Variants in MEGF10 observed in about 807,000 individuals in gnomAD.
MEGF10 encodes multiple EGF like domains 10.
In MEGF10, 86 loss-of-function variants were observed where a neutral mutation model predicts 147.5. The observed-to-expected ratio is 0.58, with a 90% CI of 0.49 to 0.70. MEGF10 has a LOEUF of 0.70. Ranked by LOEUF, MEGF10 falls within the 30% of genes least tolerant of loss-of-function variation. MEGF10 has a pLI of 0.00. For missense variants in MEGF10, 1,329 were observed against 1,487.3 expected, an observed-to-expected ratio of 0.89 and a Z score of 1.75; for synonymous variants, 478 against 525.5, an observed-to-expected ratio of 0.91 and a Z score of 1.24.
chr5:127,447,778 C>G, intron 21 of MEGF10, 94 bp downstream of exon 21: 1 of 1,468,836 alleles, frequency 6.8e-7, no homozygotes, highest in Non-Finnish European at 9.3e-7. Context: ...AGAGGCTGTT[C>G]TAGGTACTTT....
At chr5:127,335,037 T>A (rs1296916094) in intron 2 of MEGF10, among the ~76,000 whole-genome samples, 1 of 152,210 alleles carries the variant, frequency 6.6e-6, no homozygotes, top group Non-Finnish European at 1.5e-5. Context: ...TCTCCCCAGA[T>A]AATACTTAAT....
chr5:127,348,027 T>C (rs1173285316), intron 4 of MEGF10, among the ~76,000 whole-genome samples: 1 of 152,096 alleles, frequency 6.6e-6, no homozygotes, highest in East Asian at 1.9e-4. Context: ...TTTAGTAATA[T>C]TTGTGATGTT....
At chr5:127,394,501 A>G (rs903791416) in intron 5 of MEGF10, among the ~76,000 whole-genome samples, 1 of 152,226 alleles carries the variant, frequency 6.6e-6, no homozygotes, top group African/African-American at 2.4e-5. Flanking sequence ...TGATGAATCA[A>G]GTAACAAGTT....
chr5:127,395,429 T>C (rs1232973530), intron 5 of MEGF10, among the ~76,000 whole-genome samples: 1 of 152,086 alleles, frequency 6.6e-6, no homozygotes, highest in Non-Finnish European at 1.5e-5. Flanking sequence ...GCTTGTCTTA[T>C]TTTTTAAATA....
chr5:127,280,164 T>C, the MEGF10 span, among the ~76,000 whole-genome samples: 1 of 152,226 alleles, frequency 6.6e-6, no homozygotes, highest in Non-Finnish European at 1.5e-5. Flanking sequence ...AATTTTTTTA[T>C]AAATCTTCTT....
chr5:127,424,137 C>T (rs746794235), intron 13 of MEGF10, among the ~76,000 whole-genome samples: 3 of 152,114 alleles, frequency 2.0e-5, no homozygotes, highest in African/African-American at 4.8e-5. Flanking sequence ...TATTCTTTCC[C>T]CCACTGAATT....
intron 10 of MEGF10, among the ~76,000 whole-genome samples, chr5:127,418,715 A>T (rs1764870788): frequency 6.6e-6 from 1 of 152,198 alleles, no homozygotes; most frequent in South Asian, 2.1e-4. Context: ...TCATACAAGG[A>T]TATCTAGGAA....
At chr5:127,285,829 T>G (rs1204276143), upstream of MEGF10, among the ~76,000 whole-genome samples, 1 of 152,056 alleles carries the variant, frequency 6.6e-6, no homozygotes, top group Non-Finnish European at 1.5e-5. Context: ...TCAAAGGAAG[T>G]GAAATCAATG....
intron 22 of MEGF10, 34 bp from the exon 23 acceptor site, chr5:127,454,532 C>A: frequency 6.3e-7 from 1 of 1,590,206 alleles, no homozygotes; most frequent in East Asian, 2.2e-5. Flanking sequence ...CCTTTCAGTT[C>A]TCACTGGGTG....
chr5:127,314,337 G>C (rs963488160), intron 1 of MEGF10, among the ~76,000 whole-genome samples: 4 of 152,176 alleles, frequency 2.6e-5, no homozygotes, highest in Non-Finnish European at 4.4e-5. Flanking sequence ...AGAAGTCAGG[G>C]AGGAGTAGAA....
At chr5:127,332,329 G>A (rs1007347252) in intron 2 of MEGF10, among the ~76,000 whole-genome samples, 7 of 152,294 alleles carry the variant, frequency 4.6e-5, no homozygotes, top group Non-Finnish European at 8.8e-5. Context: ...AAGTACTGGA[G>A]GGTAATATGT....
In MEGF10 at chr5:127,425,694, G is replaced by A. The variant is rs181597575; in HGVS notation, c.1693+2922G>A. Reference sequence around the variant, plus strand: ...ATCATTTCATTGTCTGCACTGGACAGACTAATAATTTTTTACCCATAAAAT... The same window carrying A: ...ATCATTTCATTGTCTGCACTGGACAAACTAATAATTTTTTACCCATAAAAT... On this transcript the variant is annotated intron_variant, in intron 13 of 24. Coordinates refer to ENST00000503335, the MANE Select transcript of MEGF10 (RefSeq NM_001256545.2). Among the ~76,000 whole-genome samples the A allele has an allele frequency of 2.4e-3, 367 of 152,204 alleles. 1 individual carries two copies. The highest frequency in any genetic ancestry group is 8.5e-3 in the African/African-American group (351 of 41,526).
intron 5 of MEGF10, among the ~76,000 whole-genome samples, chr5:127,384,847 AGTT>A (rs1763373883): frequency 6.6e-6 from 1 of 152,140 alleles, no homozygotes; most frequent in Admixed American, 6.6e-5. Context: ...AGCTTTATGA[AGTT>A]GTTTTATTTT....
At chr5:127,395,069 A>C (rs2126917740) in intron 5 of MEGF10, among the ~76,000 whole-genome samples, 1 of 152,306 alleles carries the variant, frequency 6.6e-6, no homozygotes, top group Non-Finnish European at 1.5e-5. Flanking sequence ...TTATGAAATG[A>C]AACTTTTTTT....
At chr5:127,369,797 A>G in intron 4 of MEGF10, 113 bp from the exon 5 acceptor site, 2 of 715,410 alleles carry the variant, frequency 2.8e-6, no homozygotes, top group Non-Finnish European at 2.3e-6. Flanking sequence ...AAAATTATCA[A>G]GCATGCATGT....
At chr5:127,291,280 T>G (rs1315232534) in intron 1 of MEGF10, among the ~76,000 whole-genome samples, 1 of 152,156 alleles carries the variant, frequency 6.6e-6, no homozygotes, top group Non-Finnish European at 1.5e-5. Flanking sequence ...TCCTGGAGTA[T>G]TTTTGATGGA....
At chr5:127,378,188 G>A (rs1377619234) in intron 5 of MEGF10, among the ~76,000 whole-genome samples, 1 of 152,068 alleles carries the variant, frequency 6.6e-6, no homozygotes, top group Non-Finnish European at 1.5e-5. Flanking sequence ...ATGTTTCTGT[G>A]CCTCCCTTTC....
intron 8 of MEGF10, among the ~76,000 whole-genome samples, chr5:127,407,485 C>G (rs1403455651): frequency 1.3e-5 from 2 of 152,166 alleles, no homozygotes; most frequent in Non-Finnish European, 2.9e-5. Context: ...TGTGTTAATA[C>G]TTTATCTCTA....
the MEGF10 span, among the ~76,000 whole-genome samples, chr5:127,260,586 C>G: frequency 6.6e-6 from 1 of 152,158 alleles, no homozygotes; most frequent in African/African-American, 2.4e-5. Context: ...CTCTGTCACT[C>G]ATTGTCTCCT....
Sources: gnomAD v4.1 joint callset for allele counts (sites outside exome capture counted in the v4.1 genomes callset) on GRCh38, gnomAD v4.1.1 for gene constraint, MANE v1.5 for transcripts, NCBI Gene and HGNC (gene_info 2026-07-23, HGNC 2026-07-21) for gene names.